MROH9: variants seen among roughly 807,000 people sequenced by gnomAD.
MROH9 encodes the protein maestro heat like repeat family member 9, also known as maestro heat-like repeat-containing protein family member 9.
MROH9 carries 92 observed loss-of-function variants against 98.2 expected under a neutral mutation model. The observed-to-expected ratio is 0.94, with a 90% CI of 0.79 to 1.11. MROH9 has a LOEUF of 1.11. MROH9 is among the 50% of genes most tolerant of loss of function. The pLI is 0.00. For synonymous variants in MROH9, 397 were observed against 368.9 expected (o/e 1.08, Z -0.87); for missense variants, 1,057 against 1,014.8 (o/e 1.04, Z -0.57).
chr1:171,045,455 C>A (rs1037381843), intron 20 of MROH9, among the ~76,000 whole-genome samples: 1 of 151,932 alleles, frequency 6.6e-6, no homozygotes, highest in Non-Finnish European at 1.5e-5. Context: ...CTCTTAGTAC[C>A]GCTTTTGCTG....
rs370038915 is a variant in MROH9, at chr1:170,995,404, T to G, written c.1210T>G (p.Cys404Gly). 2 of 1,613,260 alleles carry G rather than the reference T, an allele frequency of 1.2e-6. No homozygotes were observed. Among genetic ancestry groups the G allele is most frequent in the African/African-American group, 1.3e-5 (1 of 74,870 alleles). Residue 404 changes from cysteine (C) to glycine (G), a missense_variant, in exon 13 of 22, where the codon TGC (cysteine) becomes GGC (glycine). Coordinates refer to ENST00000367759, the MANE Select transcript of MROH9 (RefSeq NM_001163629.2). ...TCCCTTATAGGCATGCCAGGCCCTGTGCACCTTTCTGCCTCTTGGTTCCTA... is the reference window on the plus strand; with the variant it reads ...TCCCTTATAGGCATGCCAGGCCCTGGGCACCTTTCTGCCTCTTGGTTCCTA... ...LMPLAACQALCTFLPLGSYRK... is the reference protein window; with the variant it reads ...LMPLAACQALGTFLPLGSYRK...
At chr1:170,990,091 C>A in intron 11 of MROH9, 88 bp downstream of exon 11, 1 of 1,337,594 alleles carries the variant, frequency 7.5e-7, no homozygotes, top group Non-Finnish European at 1.0e-6. Flanking sequence ...TCTCAATCTA[C>A]CATAGTCAGG....
chr1:170,986,874 A>G (rs1479956953), intron 10 of MROH9, among the ~76,000 whole-genome samples, 164 bp downstream of exon 10: 1 of 152,182 alleles, frequency 6.6e-6, no homozygotes, highest in Non-Finnish European at 1.5e-5. Flanking sequence ...ACTTAGAGAC[A>G]GGGTCTTGCT....
At chr1:170,953,158 TC>T (rs1649621058) in intron 3 of MROH9, among the ~76,000 whole-genome samples, 1 of 152,164 alleles carries the variant, frequency 6.6e-6, no homozygotes, top group East Asian at 1.9e-4. Context: ...ATGTTTTCTT[TC>T]TACTTATTTG....
At chr1:170,986,763 A>G in intron 10 of MROH9, 53 bp downstream of exon 10, 1 of 1,565,380 alleles carries the variant, frequency 6.4e-7, no homozygotes, top group South Asian at 1.2e-5. Context: ...TCTAATGTGC[A>G]TTTTTGCCTG....
chr1:170,940,109 T>C (rs2101861986), intron 1 of MROH9, among the ~76,000 whole-genome samples: 1 of 152,300 alleles, frequency 6.6e-6, no homozygotes, highest in South Asian at 2.1e-4. Context: ...ATGAGAAATA[T>C]GTTGCCTAAA....
At chr1:170,953,803 A>G (rs561292374) in intron 3 of MROH9, among the ~76,000 whole-genome samples, 3 of 149,504 alleles carry the variant, frequency 2.0e-5, no homozygotes, top group African/African-American at 4.9e-5. Flanking sequence ...GAGGAGAGGG[A>G]GAGAGAGAGA....
At chr1:171,006,674 CTTT>C (rs60676361) in intron 15 of MROH9, among the ~76,000 whole-genome samples, 10 of 138,214 alleles carry the variant, frequency 7.2e-5, no homozygotes, top group African/African-American at 1.8e-4. Context: ...ATATCTTTTT[CTTT>C]TTTTTTTTTT....
intron 15 of MROH9, among the ~76,000 whole-genome samples, chr1:171,010,434 T>A (rs1652110773): frequency 6.6e-6 from 1 of 152,198 alleles, no homozygotes; most frequent in South Asian, 2.1e-4. Flanking sequence ...TGACTTATAA[T>A]CCTTTGGGTA....
intron 15 of MROH9, among the ~76,000 whole-genome samples, chr1:171,002,855 C>T (rs114289900): frequency 0.014 from 2,184 of 152,128 alleles, 42 homozygotes; most frequent in African/African-American, 0.05. Flanking sequence ...ATTTTCTGAG[C>T]TTTTAGAATT....
intron 3 of MROH9, 57 bp from the exon 4 acceptor site, chr1:170,958,404 C>T (rs990564754): frequency 9.5e-6 from 10 of 1,047,462 alleles, no homozygotes; most frequent in Non-Finnish European, 1.4e-5. Flanking sequence ...TTATGAGTCT[C>T]ACTGCTCTGT....
At chr1:170,953,712 T>C (rs1649642635) in intron 3 of MROH9, among the ~76,000 whole-genome samples, 2 of 136,778 alleles carry the variant, frequency 1.5e-5, no homozygotes, top group South Asian at 4.6e-4. Flanking sequence ...TTAAAAGCCA[T>C]GCAATGTAGA....
chr1:170,992,277 TA>T lies in MROH9; in HGVS notation c.1144del (p.Thr382ArgfsTer13), dbSNP rs756100791. 6.2e-7 allele frequency: 1 copy of T among 1,613,572 alleles called. No individual in the cohort carries two copies. Among genetic ancestry groups the T allele is most frequent in the Admixed American group, 1.7e-5 (1 of 59,946 alleles). On this transcript the variant is annotated frameshift_variant, in exon 12 of 22. Coordinates refer to ENST00000367759, the MANE Select transcript of MROH9 (RefSeq NM_001163629.2). LOFTEE classifies it high-confidence loss of function. Reference sequence around the variant, plus strand: ...AAGCCTGGGGAAATGGAGGACACCGTAACGGAAGGGAAACGTTTCTCTCTTG... The same window carrying T: ...AAGCCTGGGGAAATGGAGGACACCGTACGGAAGGGAAACGTTTCTCTCTTG... ...KGKPGEMEDT[V>X]TEGKRFSLDI...
rs911182131 is a variant in MROH9, at chr1:170,998,593, G to A, written c.1596+319G>A. ...TTAAAGTATATTGAGGGATAATTGG[G>A]TTTAATAAAGATGGTAGTTAACATC... On this transcript the variant is annotated intron_variant, in intron 15 of 21. Transcript: ENST00000367759. The A allele has an allele frequency of 2.7e-5, 36 of 1,313,774 alleles. No homozygotes were observed. In the South Asian group the frequency reaches 6.0e-4, roughly 22 times the overall value. 81.4% of individuals were successfully genotyped at this position (1,313,774 alleles called of 1,614,324 possible).
At chr1:170,999,556 G>A (rs557823623) in intron 15 of MROH9, among the ~76,000 whole-genome samples, 11 of 151,530 alleles carry the variant, frequency 7.3e-5, no homozygotes, top group South Asian at 2.1e-4. Context: ...ACACACCACC[G>A]TTTCTTTATC....
intron 20 of MROH9, among the ~76,000 whole-genome samples, chr1:171,036,125 A>G (rs1653090857): frequency 6.6e-6 from 1 of 152,170 alleles, no homozygotes; most frequent in East Asian, 1.9e-4. Context: ...CCAGTCACAA[A>G]AAGTACATAT....
At chr1:171,053,086 C>A (rs551704038) in intron 20 of MROH9, among the ~76,000 whole-genome samples, 1 of 152,166 alleles carries the variant, frequency 6.6e-6, no homozygotes, top group South Asian at 2.1e-4. Context: ...AAACTCGCTG[C>A]GGCTTCAACA....
At position 170,998,213 on chromosome 1, in the gene MROH9, T is replaced by C; in HGVS notation, c.1535T>C (p.Leu512Pro). The C allele has an allele frequency of 1.2e-6, 2 of 1,613,220 alleles. No homozygotes were observed. The highest frequency in any genetic ancestry group is 8.5e-7 in the Non-Finnish European group (1 of 1,179,456). Residue 512 changes from leucine (L) to proline (P), a missense_variant, in exon 15 of 22, where the codon CTC becomes CCC. Coordinates refer to ENST00000367759, the MANE Select transcript of MROH9 (RefSeq NM_001163629.2). ...FPETLSYLYKLSVEGPRRSED... is the reference protein window; with the variant it reads ...FPETLSYLYKPSVEGPRRSED... ...GAGACCCTGAGTTATCTCTATAAGCTCTCAGTAGAAGGTCCTAGAAGGTCA... is the reference window on the plus strand; with the variant it reads ...GAGACCCTGAGTTATCTCTATAAGCCCTCAGTAGAAGGTCCTAGAAGGTCA...
At chr1:171,024,627 C>G in intron 18 of MROH9, 22 bp from the exon 19 acceptor site, 1 of 1,539,360 alleles carries the variant, frequency 6.5e-7, no homozygotes, top group South Asian at 1.2e-5. Context: ...TAGATCTTCA[C>G]CGGCCTTTTT....
Sources: allele counts gnomAD v4.1 joint callset (sites outside exome capture counted in the v4.1 genomes callset), GRCh38; gene constraint gnomAD v4.1.1; transcripts MANE v1.5; gene names NCBI Gene and HGNC (gene_info 2026-07-23, HGNC 2026-07-21).